WDR70: variants seen among roughly 807,000 people sequenced by gnomAD.
WDR70 encodes the protein WD repeat domain 70.
WDR70 carries 53 observed loss-of-function variants against 88.6 expected under a neutral mutation model. That is an observed-to-expected ratio of 0.60 (90% CI 0.48 to 0.75). WDR70 has a LOEUF of 0.75. WDR70 is among the 30% of genes least tolerant of loss of function. The probability of loss-of-function intolerance (pLI) is 0.00; values close to 1 mark genes in which losing one functional copy is unlikely to be tolerated. For synonymous variants in WDR70, 280 were observed against 270.0 expected (o/e 1.04, Z -0.36); for missense variants, 610 against 823.2 (o/e 0.74, Z 3.17).
intron 10 of WDR70, among the ~76,000 whole-genome samples, chr5:37,635,068 T>G (rs1163350382): frequency 1.2e-4 from 18 of 152,178 alleles, no homozygotes. Flanking sequence ...TCTGATTTTT[T>G]TCCTCTACAG....
intron 12 of WDR70, among the ~76,000 whole-genome samples, chr5:37,702,308 T>C (rs1203474676): frequency 6.6e-6 from 1 of 152,240 alleles, no homozygotes; most frequent in Non-Finnish European, 1.5e-5. Flanking sequence ...TTTGAGCTAT[T>C]ATACCTGCTG....
chr5:37,419,110 C>A lies in WDR70; in HGVS notation c.493-18812C>A, dbSNP rs376977899. On this transcript the variant is annotated intron_variant, in intron 5 of 17. Transcript: ENST00000265107. ...GGAATGCTCATTTTAAAAAATCTTT[C>A]ACTTTCATTTCTCTTTTCCTATTTT... Among the ~76,000 whole-genome samples the A allele has an allele frequency of 1.1e-4, 17 of 152,108 alleles. No homozygotes were observed. The East Asian group carries it at 2.9e-3, about 26-fold the overall frequency.
At chr5:37,622,830 A>G (rs1020994629) in intron 10 of WDR70, among the ~76,000 whole-genome samples, 1 of 152,152 alleles carries the variant, frequency 6.6e-6, no homozygotes, top group Non-Finnish European at 1.5e-5. Context: ...AACATGGCAC[A>G]TGTATACGTA....
intron 8 of WDR70, among the ~76,000 whole-genome samples, chr5:37,495,952 T>G (rs886609446): frequency 6.6e-5 from 10 of 152,230 alleles, no homozygotes; most frequent in Non-Finnish European, 1.5e-4. Flanking sequence ...TTTAACCTAC[T>G]ATCTGTGTTC....
chr5:37,416,209 A>G (rs1469068391), intron 5 of WDR70, among the ~76,000 whole-genome samples: 1 of 152,206 alleles, frequency 6.6e-6, no homozygotes, highest in African/African-American at 2.4e-5. Context: ...ACTGCACTCC[A>G]GCCTGGGCAC....
intron 9 of WDR70, among the ~76,000 whole-genome samples, chr5:37,525,237 G>A (rs569308647): frequency 6.6e-6 from 1 of 152,102 alleles, no homozygotes; most frequent in East Asian, 1.9e-4. Flanking sequence ...AAGTAAAGCA[G>A]TCCTCAGCAA....
At chr5:37,493,081 A>G (rs1448908236) in intron 8 of WDR70, among the ~76,000 whole-genome samples, 1 of 152,210 alleles carries the variant, frequency 6.6e-6, no homozygotes, top group Non-Finnish European at 1.5e-5. Flanking sequence ...TGTTTTGCAA[A>G]GATTTGTGGG....
At chr5:37,640,610 C>T (rs1200256428) in intron 10 of WDR70, among the ~76,000 whole-genome samples, 6 of 152,116 alleles carry the variant, frequency 3.9e-5, no homozygotes, top group Non-Finnish European at 8.8e-5. Flanking sequence ...GATACTTGCT[C>T]TCTATGTTAG....
chr5:37,492,461 A>G (rs1314562948), intron 8 of WDR70, among the ~76,000 whole-genome samples: 1 of 152,228 alleles, frequency 6.6e-6, no homozygotes, highest in African/African-American at 2.4e-5. Context: ...AACTATAAGT[A>G]TAATGGGCTA....
intron 5 of WDR70, among the ~76,000 whole-genome samples, chr5:37,412,050 A>G (rs911042164): frequency 2.0e-5 from 3 of 150,166 alleles, no homozygotes; most frequent in African/African-American, 7.3e-5. Flanking sequence ...AGAACTAAGT[A>G]AAAAAAAAAT....
intron 9 of WDR70, among the ~76,000 whole-genome samples, chr5:37,532,371 T>C (rs1252072133): frequency 1.3e-5 from 2 of 152,226 alleles, no homozygotes; most frequent in East Asian, 1.9e-4. Context: ...GTTTTAGATT[T>C]CTCTTCTTCC....
At chr5:37,677,540 C>T (rs200167294) in intron 10 of WDR70, among the ~76,000 whole-genome samples, 87 of 152,218 alleles carry the variant, frequency 5.7e-4, no homozygotes, top group East Asian at 2.7e-3. Context: ...TGTAGTTGAG[C>T]GGTTGTGAGT....
At chr5:37,432,807 C>A (rs1187714117) in intron 5 of WDR70, among the ~76,000 whole-genome samples, 2 of 152,040 alleles carry the variant, frequency 1.3e-5, no homozygotes, top group African/African-American at 4.8e-5. Flanking sequence ...TCGTGATCTG[C>A]CTGCCTTGGC....
chr5:37,607,139 C>T (rs1331533049), intron 10 of WDR70, among the ~76,000 whole-genome samples: 1 of 151,598 alleles, frequency 6.6e-6, no homozygotes, highest in African/African-American at 2.4e-5. Flanking sequence ...GACGGGGTTC[C>T]ACCATGTTGT....
At chr5:37,683,872 T>C (rs1324157164) in intron 10 of WDR70, among the ~76,000 whole-genome samples, 1 of 152,224 alleles carries the variant, frequency 6.6e-6, no homozygotes, top group South Asian at 2.1e-4. Flanking sequence ...ATTTCCTGAA[T>C]GTGAATGTTG....
At chr5:37,385,644 A>T (rs1748587489) in intron 3 of WDR70, among the ~76,000 whole-genome samples, 1 of 151,730 alleles carries the variant, frequency 6.6e-6, no homozygotes, top group East Asian at 1.9e-4. Flanking sequence ...CAGCAGTCCC[A>T]TCCTGAGGCC....
At chr5:37,587,785 T>C (rs1392146573) in intron 9 of WDR70, among the ~76,000 whole-genome samples, 3 of 150,216 alleles carry the variant, frequency 2.0e-5, no homozygotes, top group African/African-American at 7.3e-5. Context: ...ATTCTTTTTT[T>C]TTTTTTTTTT....
At chr5:37,516,377 A>G in intron 8 of WDR70, 137 bp from the exon 9 acceptor site, 3 of 494,472 alleles carry the variant, frequency 6.1e-6, no homozygotes, top group Non-Finnish European at 7.3e-6. Flanking sequence ...ATAAAATAAT[A>G]TAGGTTTATA....
intron 7 of WDR70, among the ~76,000 whole-genome samples, chr5:37,476,158 T>TG (rs1739474641): frequency 6.6e-6 from 1 of 152,182 alleles, no homozygotes; most frequent in Non-Finnish European, 1.5e-5. Context: ...TCTGCATTAA[T>TG]TTTTAATACT....
Sources: gnomAD v4.1 joint callset for allele counts (sites outside exome capture counted in the v4.1 genomes callset) on GRCh38, gnomAD v4.1.1 for gene constraint, MANE v1.5 for transcripts, NCBI Gene and HGNC (gene_info 2026-07-23, HGNC 2026-07-21) for gene names.